Variants in ADAMTS12 observed in about 807,000 individuals in gnomAD.
The protein encoded by ADAMTS12 is A disintegrin and metalloproteinase with thrombospondin motifs 12.
In ADAMTS12, 118 loss-of-function variants were observed where a neutral mutation model predicts 167.8. The observed-to-expected ratio is 0.70, with a 90% CI of 0.61 to 0.82. ADAMTS12 has a LOEUF of 0.82. Ranked by LOEUF, ADAMTS12 falls within the 40% of genes least tolerant of loss-of-function variation. The pLI, the probability that ADAMTS12 is intolerant of heterozygous loss-of-function variation, is 0.00. For missense variants in ADAMTS12, 1,916 were observed against 1,998.8 expected (o/e 0.96, Z 0.79); for synonymous variants, 704 against 716.9 (o/e 0.98, Z 0.29).
intron 5 of ADAMTS12, among the ~76,000 whole-genome samples, chr5:33,663,109 C>T (rs536615127): frequency 2.0e-5 from 3 of 152,246 alleles, no homozygotes; most frequent in South Asian, 4.1e-4. Context: ...CTATTATAGA[C>T]CAGTTTCCTT....
chr5:33,609,247 C>G (rs12697292), intron 16 of ADAMTS12, among the ~76,000 whole-genome samples: 88,179 of 151,790 alleles, frequency 0.58, 25,878 homozygotes, highest in East Asian at 0.82. Flanking sequence ...AAATCTAAAA[C>G]TTTTAGAAGA....
intron 2 of ADAMTS12, among the ~76,000 whole-genome samples, chr5:33,817,828 T>C (rs1747723157): frequency 6.6e-6 from 1 of 152,196 alleles, no homozygotes. Flanking sequence ...TTTTTTAAAA[T>C]ATGTGACTTT....
intron 12 of ADAMTS12, among the ~76,000 whole-genome samples, chr5:33,636,038 T>G (rs1025833584): frequency 2.0e-5 from 3 of 152,188 alleles, no homozygotes; most frequent in South Asian, 4.1e-4. Context: ...CGCTCACTTC[T>G]TTAGTACCTA....
At chr5:33,583,184 A>C (rs748070825) in intron 18 of ADAMTS12, among the ~76,000 whole-genome samples, 6 of 152,000 alleles carry the variant, frequency 3.9e-5, no homozygotes, top group Non-Finnish European at 7.4e-5. Flanking sequence ...TCTACTCTCT[A>C]TGTCCATAAG....
At chr5:33,761,705 A>G (rs1745362456) in intron 2 of ADAMTS12, among the ~76,000 whole-genome samples, 1 of 152,244 alleles carries the variant, frequency 6.6e-6, no homozygotes, top group Non-Finnish European at 1.5e-5. Flanking sequence ...TCATAATTAT[A>G]GCAAAATAAA....
intron 18 of ADAMTS12, among the ~76,000 whole-genome samples, chr5:33,586,735 C>T (rs919052067): frequency 6.6e-6 from 1 of 152,192 alleles, no homozygotes; most frequent in African/African-American, 2.4e-5. Flanking sequence ...AGTCACAATA[C>T]TCCATTCAGC....
chr5:33,671,632 C>A (rs1741694084), intron 5 of ADAMTS12, among the ~76,000 whole-genome samples: 1 of 152,190 alleles, frequency 6.6e-6, no homozygotes, highest in Admixed American at 6.5e-5. Flanking sequence ...AGAACTCATA[C>A]CTTTGAATCA....
Position 33,649,657 on chromosome 5 carries a change from G to C in ADAMTS12, c.1231C>G (p.Pro411Ala). The C allele has an allele frequency of 6.2e-7, 1 of 1,614,020 alleles. No homozygotes were observed. The highest frequency in any genetic ancestry group is 1.1e-5 in the South Asian group (1 of 91,066). Residue 411 changes from proline (P) to alanine (A), a missense_variant, in exon 8 of 24, where the codon CCT becomes GCT. Coordinates refer to ENST00000504830, the MANE Select transcript of ADAMTS12 (RefSeq NM_030955.4). ...ATGATGTACGGATGTCTGCCCACAG[G>C]CTCACAGTCATTTTCTTTCCCATCA... The part of the protein sequence containing the change: ...QHDGKENDCE[P>A]VGRHPYIMSR...
At chr5:33,718,476 C>T (rs1743690521) in intron 3 of ADAMTS12, among the ~76,000 whole-genome samples, 1 of 152,126 alleles carries the variant, frequency 6.6e-6, no homozygotes, top group African/African-American at 2.4e-5. Context: ...CACTGTATAT[C>T]TGAGGGATCT....
rs1375478780 is a variant in ADAMTS12 at position 33,527,010 on chromosome 5, A to G, written c.*178T>C. 4.0e-6 allele frequency: 3 copies of G among 756,404 alleles called. No homozygotes were observed. The highest frequency in any genetic ancestry group is 4.2e-6 in the Non-Finnish European group (2 of 476,364). 46.9% of individuals were successfully genotyped at this position (756,404 alleles called of 1,614,324 possible). A position where few individuals can be genotyped will look rare whatever the true frequency, so the allele number is the denominator to read the frequency against. On this transcript the variant is annotated 3_prime_UTR_variant, in exon 24 of 24. Transcript: ENST00000504830. ...CAGGGAGCAGCAAGTACGGCAGCCTAGGCCTCCTGTGAGGGACATTCGGTG... is the reference window on the plus strand; with the variant it reads ...CAGGGAGCAGCAAGTACGGCAGCCTGGGCCTCCTGTGAGGGACATTCGGTG...
intron 16 of ADAMTS12, among the ~76,000 whole-genome samples, chr5:33,613,934 C>T (rs1738852854): frequency 6.6e-6 from 1 of 152,290 alleles, no homozygotes; most frequent in Middle Eastern, 3.4e-3. Context: ...GGTTCTCAAC[C>T]AGAGCATTGG....
chr5:33,603,094 A>G (rs776051995), intron 16 of ADAMTS12, among the ~76,000 whole-genome samples: 53 of 152,210 alleles, frequency 3.5e-4, no homozygotes, highest in Non-Finnish European at 7.3e-4. Context: ...CGCAGAATCA[A>G]GATCACTGAG....
chr5:33,760,920 T>TGTGTGTGTGTGC (rs1323504319), intron 2 of ADAMTS12, among the ~76,000 whole-genome samples: 7 of 146,280 alleles, frequency 4.8e-5, no homozygotes, highest in African/African-American at 1.8e-4. Flanking sequence ...TGTGTGTGTG[T>TGTGTGTGTGTGC]GCGTATGCGC....
At chr5:33,662,586 T>C (rs1048608602) in intron 5 of ADAMTS12, among the ~76,000 whole-genome samples, 9 of 152,250 alleles carry the variant, frequency 5.9e-5, no homozygotes, top group South Asian at 2.1e-4. Context: ...GTTAGGAGAA[T>C]TGGTCCTCTG....
intron 2 of ADAMTS12, among the ~76,000 whole-genome samples, chr5:33,849,774 T>C (rs192052052): frequency 4.7e-5 from 7 of 149,500 alleles, no homozygotes; most frequent in Non-Finnish European, 1.0e-4. Flanking sequence ...ATGTATTGCA[T>C]AGCAATATAT....
intron 12 of ADAMTS12, among the ~76,000 whole-genome samples, chr5:33,637,333 G>A (rs537590628): frequency 6.6e-6 from 1 of 152,284 alleles, no homozygotes; most frequent in African/African-American, 2.4e-5. Flanking sequence ...TTTGAAGCAA[G>A]TCACCATGTT....
chr5:33,683,199 T>A lies in ADAMTS12; in HGVS notation c.832-98A>T, dbSNP rs900083561. On this transcript the variant is annotated intron_variant, in intron 4 of 23. Coordinates refer to ENST00000504830, the MANE Select transcript of ADAMTS12 (RefSeq NM_030955.4). ...ATTGTAATGCACATAAAATAAAGGTTTTCTTATAGGTCAGAAATGTTTGGC... is the reference window on the plus strand; with the variant it reads ...ATTGTAATGCACATAAAATAAAGGTATTCTTATAGGTCAGAAATGTTTGGC... 147 of 910,914 alleles carry A rather than the reference T, an allele frequency of 1.6e-4. 4 individuals are homozygous for A. The South Asian group carries it at 2.1e-3, about 13-fold the overall frequency. 56.4% of individuals were successfully genotyped at this position (910,914 alleles called of 1,614,324 possible).
At chr5:33,839,083 A>T (rs527739096) in intron 2 of ADAMTS12, among the ~76,000 whole-genome samples, 4 of 152,266 alleles carry the variant, frequency 2.6e-5, no homozygotes, top group Admixed American at 2.0e-4. Context: ...TTCAAACTTG[A>T]TCTTTCTGTG....
chr5:33,807,785 T>G lies in ADAMTS12; in HGVS notation c.490-56237A>C, dbSNP rs147099605. Among the ~76,000 whole-genome samples, 684 of 152,262 alleles carry G rather than the reference T, an allele frequency of 4.5e-3. 3 individuals are homozygous for G. The highest frequency in any genetic ancestry group is 0.016 in the African/African-American group (661 of 41,546). Reference sequence around the variant, plus strand: ...AAGCGCAAATGAAACTTGTGTGGAATTCAAAGAGAACCATCACGAGTAATG... The same window carrying G: ...AAGCGCAAATGAAACTTGTGTGGAAGTCAAAGAGAACCATCACGAGTAATG... On this transcript the variant is annotated intron_variant, in intron 2 of 23. Coordinates refer to ENST00000504830, the MANE Select transcript of ADAMTS12 (RefSeq NM_030955.4).
Sources: allele counts gnomAD v4.1 joint callset (sites outside exome capture counted in the v4.1 genomes callset), GRCh38; gene constraint gnomAD v4.1.1; transcripts MANE v1.5; gene names NCBI Gene and HGNC (gene_info 2026-07-23, HGNC 2026-07-21).